Variants in WDR25 observed in about 807,000 individuals in gnomAD.
WDR25 encodes WD repeat domain 25.
WDR25 carries 35 observed loss-of-function variants against 47.7 expected under a neutral mutation model. That is an observed-to-expected ratio of 0.73 (90% CI 0.56 to 0.97). The LOEUF is 0.97. WDR25 is among the 50% of genes least tolerant of loss of function. The probability of loss-of-function intolerance (pLI) is 0.00; values close to 1 mark genes in which losing one functional copy is unlikely to be tolerated. For synonymous variants in WDR25, 248 were observed against 278.9 expected, an observed-to-expected ratio of 0.89 and a Z score of 1.10; for missense variants, 634 against 704.7, an observed-to-expected ratio of 0.90 and a Z score of 1.14.
intron 2 of WDR25, among the ~76,000 whole-genome samples, chr14:100,393,045 C>A (rs1310313624): frequency 1.3e-5 from 2 of 152,230 alleles, no homozygotes; most frequent in Non-Finnish European, 2.9e-5. Context: ...TAGAATTTTC[C>A]CTTGAAGCCC....
intron 2 of WDR25, among the ~76,000 whole-genome samples, chr14:100,458,124 A>ATTT (rs952949603): frequency 1.3e-5 from 2 of 152,202 alleles, no homozygotes; most frequent in Non-Finnish European, 2.9e-5. Context: ...GTTGGATAAA[A>ATTT]AGTCAAGACT....
At chr14:100,514,085 G>A (rs531500823) in intron 4 of WDR25, among the ~76,000 whole-genome samples, 5 of 151,694 alleles carry the variant, frequency 3.3e-5, no homozygotes, top group South Asian at 2.1e-4. Context: ...ACAGGCGCCC[G>A]CCACCACGCC....
intron 1 of WDR25, among the ~76,000 whole-genome samples, chr14:100,377,351 G>T (rs1896727250): frequency 6.6e-6 from 1 of 152,192 alleles, no homozygotes; most frequent in African/African-American, 2.4e-5. Flanking sequence ...CCAGGCTGGA[G>T]TGCAGTGGCG....
At chr14:100,450,412 A>G (rs1247977371) in intron 2 of WDR25, among the ~76,000 whole-genome samples, 4 of 152,220 alleles carry the variant, frequency 2.6e-5, no homozygotes, top group Non-Finnish European at 5.9e-5. Context: ...TCTTCACAGC[A>G]CTGATCTGAG....
At chr14:100,452,321 A>G (rs997907274) in intron 2 of WDR25, among the ~76,000 whole-genome samples, 27 of 152,362 alleles carry the variant, frequency 1.8e-4, no homozygotes, top group Admixed American at 5.9e-4. Context: ...ACAGATAATG[A>G]AGAGATAGTG....
intron 4 of WDR25, among the ~76,000 whole-genome samples, chr14:100,493,423 A>G (rs985133290): frequency 1.3e-5 from 2 of 151,860 alleles, no homozygotes; most frequent in African/African-American, 2.4e-5. Context: ...ATTCATTCAC[A>G]TTGTAGCCTA....
intron 2 of WDR25, among the ~76,000 whole-genome samples, chr14:100,388,453 C>T (rs1406936628): frequency 6.6e-6 from 1 of 152,248 alleles, no homozygotes; most frequent in Non-Finnish European, 1.5e-5. Context: ...TGCTTCTCTT[C>T]TTTCCCACCT....
chr14:100,382,253 G>C, intron 2 of WDR25: 1 of 692,172 alleles, frequency 1.4e-6, no homozygotes, highest in Non-Finnish European at 2.6e-6. Context: ...GCCCCCAGTA[G>C]GACACACAGG....
At chr14:100,463,868 G>C (rs1346862457) in intron 2 of WDR25, among the ~76,000 whole-genome samples, 3 of 152,098 alleles carry the variant, frequency 2.0e-5, no homozygotes, top group Non-Finnish European at 4.4e-5. Flanking sequence ...GGGAAGTCCT[G>C]TTGGTTCTAC....
intron 3 of WDR25, among the ~76,000 whole-genome samples, chr14:100,469,333 G>A (rs1035678285): frequency 2.6e-5 from 4 of 152,196 alleles, no homozygotes; most frequent in Admixed American, 2.6e-4. Flanking sequence ...CTCAGTAGGG[G>A]AGGGGACAGT....
rs1382786706 is a variant in WDR25, at chr14:100,484,051, C to T, written c.1028C>T (p.Pro343Leu). 1.4e-5 allele frequency: 23 copies of T among 1,613,724 alleles called. No individual in the cohort carries two copies. The highest frequency in any genetic ancestry group is 1.9e-5 in the Non-Finnish European group (22 of 1,179,884). ...DFRITTLKFH[P>L]KDHNIFLCGG... Reference sequence around the variant, plus strand: ...AGAATCACTACCTTGAAATTCCATCCAAAAGACCACAACATCTTTTTATGT... The same window carrying T: ...AGAATCACTACCTTGAAATTCCATCTAAAAGACCACAACATCTTTTTATGT... The change falls in exon 4 of 7, where the codon CCA becomes CTA. Residue 343 changes from proline (P) to leucine (L), a missense_variant. By Grantham distance (98) the Pro-to-Leu change is moderately conservative (BLOSUM62 -3). Coordinates refer to ENST00000402312, the MANE Select transcript of WDR25 (RefSeq NM_001161476.3).
intron 2 of WDR25, among the ~76,000 whole-genome samples, chr14:100,394,745 G>C (rs1365442812): frequency 6.6e-6 from 1 of 152,202 alleles, no homozygotes. Flanking sequence ...GGAAGGGGAA[G>C]GACGAGTTGG....
chr14:100,488,807 C>T lies in WDR25; in HGVS notation c.1101+4683C>T, dbSNP rs1900468997. Among the ~76,000 whole-genome samples, 1 of 152,326 alleles carries T rather than the reference C, an allele frequency of 6.6e-6. No homozygotes were observed. The highest frequency in any genetic ancestry group is 2.4e-5 in the African/African-American group (1 of 41,582). On this transcript the variant is annotated intron_variant, in intron 4 of 6. Coordinates refer to ENST00000402312, the MANE Select transcript of WDR25 (RefSeq NM_001161476.3). The surrounding 1 kb of genome is among the most constrained non-coding windows in gnomAD (Gnocchi z 4.2). ...CTCAATTAGCCTGCACCATCTGTGA[C>T]CTATCTCAGGGACAACGATCACTCT...
chr14:100,520,769 C>T (rs530655613), intron 4 of WDR25, among the ~76,000 whole-genome samples: 11 of 152,194 alleles, frequency 7.2e-5, no homozygotes, highest in South Asian at 2.1e-4. Context: ...GCATCGGGCT[C>T]GTATGTGTCA....
rs773289143 is a variant in WDR25, at chr14:100,428,380, A to C, written c.823-39641A>C. ...AGCCTGGTCAGAGCATGGCGTCTGG[A>C]GTCAGGCGGCCTGGCTACGGGTCTT... On this transcript the variant is annotated intron_variant, in intron 2 of 6. Transcript: ENST00000402312. The surrounding 1 kb of genome is among the most constrained non-coding windows in gnomAD (Gnocchi z 4.3). 1.3e-5 allele frequency among the ~76,000 whole-genome samples: 2 copies of C among 152,040 alleles called. No individual in the cohort carries two copies. Among genetic ancestry groups the C allele is most frequent in the Non-Finnish European group, 2.9e-5 (2 of 68,002 alleles).
At position 100,484,115 on chromosome 14, in the gene WDR25, G is replaced by T; in HGVS notation, c.1092G>T (p.Arg364Ser). The change falls in exon 4 of 7, where the codon AGG becomes AGT. Residue 364 changes from arginine to serine, a missense_variant. By Grantham distance (110) the Arg-to-Ser change is moderately radical (BLOSUM62 -1). Transcript: ENST00000402312. ...CTGAAATGAAAGCTTGGGATATAAG[G>T]ACTGGCAAGGTAATAGCCATATTCC... ...FSSEMKAWDIRTGKVMRSYKA... is the reference protein window; with the variant it reads ...FSSEMKAWDISTGKVMRSYKA... The T allele has an allele frequency of 6.2e-7, 1 of 1,612,610 alleles. No homozygotes were observed. The highest frequency in any genetic ancestry group is 8.5e-7 in the Non-Finnish European group (1 of 1,179,602).
rs1427151630 is a variant in WDR25 at position 100,381,338 on chromosome 14, A to G, written c.414A>G (p.Lys138=). Residue 138 remains lysine (K), a synonymous_variant, in exon 2 of 7, where the codon AAA becomes AAG. Transcript: ENST00000402312. ...CAGCTGCCCGCTTTAAGCAAGTAAAACTCTCCAGGAACTTTCCCAAGTCAT... is the reference window on the plus strand; with the variant it reads ...CAGCTGCCCGCTTTAAGCAAGTAAAGCTCTCCAGGAACTTTCCCAAGTCAT... ...PLAAARFKQV[K]LSRNFPKSSF... is the part of the protein sequence containing the mutation. 1.4e-5 allele frequency: 22 copies of G among 1,613,624 alleles called. No individual in the cohort carries two copies. The highest frequency in any genetic ancestry group is 1.8e-5 in the Non-Finnish European group (21 of 1,179,856).
chr14:100,437,100 G>A (rs1898522540), intron 2 of WDR25, among the ~76,000 whole-genome samples: 3 of 152,194 alleles, frequency 2.0e-5, no homozygotes, highest in Admixed American at 2.0e-4. Context: ...CTTGTGTGTT[G>A]AATGCTTGTA....
At position 100,530,140 on chromosome 14, in the gene WDR25, G is replaced by A; in HGVS notation, c.*99G>A. ...GAACGAGCACAGAGGTTGGCTGTGG[G>A]TCCTGGGTACCACCTTCTGAGCCTC... On this transcript the variant is annotated 3_prime_UTR_variant, in exon 7 of 7. Transcript: ENST00000402312. 1 of 1,243,904 alleles carries A rather than the reference G, an allele frequency of 8.0e-7. No individual in the cohort carries two copies. The highest frequency in any genetic ancestry group is 1.4e-5 in the South Asian group (1 of 69,138). The allele number at this position is 1,243,904 out of a possible 1,614,324, so 77.1% of individuals were successfully genotyped here. A position where few individuals can be genotyped will look rare whatever the true frequency, so the allele number is the denominator to read the frequency against.
Sources: allele counts gnomAD v4.1 joint callset (sites outside exome capture counted in the v4.1 genomes callset), GRCh38; gene constraint gnomAD v4.1.1; non-coding constraint Gnocchi (gnomAD v3.1); transcripts MANE v1.5; gene names NCBI Gene and HGNC (gene_info 2026-07-23, HGNC 2026-07-21).